TEKT1: variants seen among roughly 807,000 people sequenced by gnomAD.
TEKT1 encodes the protein tektin-1.
Under a neutral mutation model 34.8 loss-of-function variants are expected in TEKT1, and 32 were observed. The ratio of observed to expected loss-of-function variants is 0.92; its 90% CI spans 0.69 to 1.23. The LOEUF is 1.23. TEKT1 is among the 50% of genes most tolerant of loss of function. TEKT1 has a pLI of 0.00. For synonymous variants in TEKT1, 207 were observed against 199.8 expected (o/e 1.04, Z -0.30); for missense variants, 492 against 518.5 (o/e 0.95, Z 0.50).
Position 6,800,110 on chromosome 17 carries a change from G to T in TEKT1, c.1174C>A (p.Gln392Lys), listed in dbSNP as rs771470364. Reference protein sequence around the residue: ...TIYIDEVLCMQMRKSIPLRDG... With the variant: ...TIYIDEVLCMKMRKSIPLRDG... ...CGAAGTGGGATGGATTTCCTCATCT[G>T]CATACACAGCACTTCGTCGATATAA... The change falls in exon 8 of 8, where the codon CAG becomes AAG. Residue 392 changes from glutamine to lysine, a missense_variant. Transcript: ENST00000338694. 1.4e-5 allele frequency: 22 copies of T among 1,613,858 alleles called. No individual in the cohort carries two copies. Among genetic ancestry groups the T allele is most frequent in the Non-Finnish European group, 1.9e-5 (22 of 1,180,038 alleles).
Position 6,831,681 on chromosome 17 carries a change from G to C in TEKT1, c.-50C>G, listed in dbSNP as rs1420322208. 6.6e-6 allele frequency: 1 copy of C among 152,190 alleles called. No homozygotes were observed. The highest frequency in any genetic ancestry group is 1.5e-5 in the Non-Finnish European group (1 of 68,078). 9.4% of individuals were successfully genotyped at this position (152,190 alleles called of 1,614,324 possible). A position where few individuals can be genotyped will look rare whatever the true frequency, so the allele number is the denominator to read the frequency against. On this transcript the variant is annotated 5_prime_UTR_variant, in exon 1 of 8. Coordinates refer to ENST00000338694, the MANE Select transcript of TEKT1 (RefSeq NM_053285.2). ...CCACACAGAACCACTACGCAAGCTC[G>C]GGATGGGAGCCTCCTTACCCCAACT...
Position 6,812,933 on chromosome 17 carries a change from G to T in TEKT1, c.750C>A (p.Ala250=). 6.2e-7 allele frequency: 1 copy of T among 1,614,214 alleles called. No individual in the cohort carries two copies. The highest frequency in any genetic ancestry group is 8.5e-7 in the Non-Finnish European group (1 of 1,180,030). Reference sequence around the variant, plus strand: ...CATCACACTGCTTGCGCAGATCATTGGCTGTCTGGGACAGGATTCGATCCA... The same window carrying T: ...CATCACACTGCTTGCGCAGATCATTTGCTGTCTGGGACAGGATTCGATCCA... ...ALVDRILSQT[A]NDLRKQCDVV... The change falls in exon 6 of 8, where the codon GCC becomes GCA. Residue 250 remains alanine, a synonymous_variant. Coordinates refer to ENST00000338694, the MANE Select transcript of TEKT1 (RefSeq NM_053285.2).
Position 6,799,894 on chromosome 17 carries a change from A to G in TEKT1, c.*133T>C. 1.3e-6 allele frequency: 1 copy of G among 798,382 alleles called. No homozygotes were observed. Among genetic ancestry groups the G allele is most frequent in the Non-Finnish European group, 1.9e-6 (1 of 519,730 alleles). 49.5% of individuals were successfully genotyped at this position (798,382 alleles called of 1,614,324 possible). A position where few individuals can be genotyped will look rare whatever the true frequency, so the allele number is the denominator to read the frequency against. On this transcript the variant is annotated 3_prime_UTR_variant, in exon 8 of 8. Transcript: ENST00000338694. The stretch of plus-strand genomic sequence containing the variant: ...AACTCGCCCCAAAATCAGCCCCCTG[A>G]GCAGGCTTGGAATGCCAGCCAAGAG...
chr17:6,816,937 G>C (rs913966992), intron 3 of TEKT1, among the ~76,000 whole-genome samples: 3 of 152,176 alleles, frequency 2.0e-5, no homozygotes, highest in African/African-American at 7.2e-5. Context: ...ACTAGCATGA[G>C]ATGGTATCTC....
chr17:6,825,887 C>T (rs1375695661), intron 2 of TEKT1, among the ~76,000 whole-genome samples: 1 of 152,174 alleles, frequency 6.6e-6, no homozygotes, highest in African/African-American at 2.4e-5. Context: ...CAGTTGGGGC[C>T]ATTACAAATG....
chr17:6,815,297 G>A lies in TEKT1; in HGVS notation c.495C>T (p.Arg165=). The A allele has an allele frequency of 6.2e-7, 1 of 1,614,244 alleles. No individual in the cohort carries two copies. The highest frequency in any genetic ancestry group is 2.2e-5 in the East Asian group (1 of 44,884). Residue 165 remains arginine (R), a synonymous_variant, in exon 5 of 8, where the codon CGC becomes CGT. Coordinates refer to ENST00000338694, the MANE Select transcript of TEKT1 (RefSeq NM_053285.2). ...EEASEQIRMN[R]SAKYNLEKDL... is the part of the protein sequence containing the mutation. ...CCTTCTCAAGATTGTACTTGGCAGAGCGGTTCATCCTGAAGGGAGAAAGTA... is the reference window on the plus strand; with the variant it reads ...CCTTCTCAAGATTGTACTTGGCAGAACGGTTCATCCTGAAGGGAGAAAGTA...
At chr17:6,815,420 T>C in intron 4 of TEKT1, 114 bp from the exon 5 acceptor site, 1 of 1,263,978 alleles carries the variant, frequency 7.9e-7, no homozygotes, top group Non-Finnish European at 1.2e-6. Flanking sequence ...AGGATGATGG[T>C]ACTGCCCCCC....
At chr17:6,818,907 C>T (rs117712268) in intron 3 of TEKT1, among the ~76,000 whole-genome samples, 3 of 152,276 alleles carry the variant, frequency 2.0e-5, no homozygotes, top group East Asian at 1.9e-4. Context: ...AGAAAGAAAT[C>T]GTTTTCTTTA....
intron 2 of TEKT1, 47 bp from the exon 3 acceptor site, chr17:6,819,405 A>T (rs201986859): frequency 6.5e-7 from 1 of 1,542,708 alleles, no homozygotes; most frequent in East Asian, 2.3e-5. Flanking sequence ...ATCCCAAGGT[A>T]GCCAACATTT....
At chr17:6,826,366 T>C (rs1307752731) in intron 2 of TEKT1, among the ~76,000 whole-genome samples, 1 of 152,220 alleles carries the variant, frequency 6.6e-6, no homozygotes, top group African/African-American at 2.4e-5. Context: ...CAGATATATA[T>C]ATTGCAAATA....
chr17:6,825,879 G>GT (rs66520455), intron 2 of TEKT1, among the ~76,000 whole-genome samples: 16,633 of 152,186 alleles, frequency 0.11, 2,601 homozygotes, highest in African/African-American at 0.34. Flanking sequence ...GTAGTTTCCA[G>GT]TTGGGGCCAT....
chr17:6,823,285 TCTGCAGCATGA>T (rs1977117828), intron 2 of TEKT1, among the ~76,000 whole-genome samples: 1 of 152,202 alleles, frequency 6.6e-6, no homozygotes, highest in Admixed American at 6.5e-5. Flanking sequence ...TTACAAGATT[TCTGCAGCATGA>T]ATCAGCTGGC....
rs546545731 is a variant in TEKT1 at position 6,811,861 on chromosome 17, C to T, written c.852+970G>A. Among the ~76,000 whole-genome samples the T allele has an allele frequency of 3.9e-5, 6 of 152,240 alleles. No individual in the cohort carries two copies. Among genetic ancestry groups the T allele is most frequent in the African/African-American group, 1.2e-4 (5 of 41,546 alleles). On this transcript the variant is annotated intron_variant, in intron 6 of 7. Coordinates refer to ENST00000338694, the MANE Select transcript of TEKT1 (RefSeq NM_053285.2). This position sits in a 1 kb window ranked among gnomAD's most constrained non-coding sequence, Gnocchi z 4.4. ...GTGGGAGTATTTGTACTACAGACATCGACAAATTCTACAGGAAGGACCCTA... is the reference window on the plus strand; with the variant it reads ...GTGGGAGTATTTGTACTACAGACATTGACAAATTCTACAGGAAGGACCCTA...
chr17:6,814,696 G>T (rs1567679192), intron 5 of TEKT1, among the ~76,000 whole-genome samples: 2 of 152,118 alleles, frequency 1.3e-5, no homozygotes, highest in Non-Finnish European at 2.9e-5. Flanking sequence ...AAATTAGCCA[G>T]GCATGGTGGC....
intron 2 of TEKT1, among the ~76,000 whole-genome samples, chr17:6,823,747 C>A (rs1904324977): frequency 6.6e-6 from 1 of 151,454 alleles, no homozygotes. Flanking sequence ...TGGCTCAGCT[C>A]TCAGTCTCTT....
At position 6,811,306 on chromosome 17, in the gene TEKT1, ATGTGTGTGTGTG is replaced by A. The variant is rs34180300; in HGVS notation, c.852+1513_852+1524del. Among the ~76,000 whole-genome samples the A allele has an allele frequency of 8.7e-5, 13 of 149,682 alleles. No homozygotes were observed. Among genetic ancestry groups the A allele is most frequent in the African/African-American group, 2.7e-4 (11 of 40,694 alleles). ...ATTATATGTTAATCATATATGCAAA[ATGTGTGTGTGTG>A]TGTGTGTGTGTGTGTGAAATGTATA... On this transcript the variant is annotated intron_variant, in intron 6 of 7. Coordinates refer to ENST00000338694, the MANE Select transcript of TEKT1 (RefSeq NM_053285.2). The surrounding 1 kb of genome is among the most constrained non-coding windows in gnomAD (Gnocchi z 4.4).
chr17:6,812,551 T>G (rs1976942686), intron 6 of TEKT1, among the ~76,000 whole-genome samples: 1 of 152,194 alleles, frequency 6.6e-6, no homozygotes, highest in Non-Finnish European at 1.5e-5. Context: ...AACCAGCCCC[T>G]AAGCCTCCCG....
At chr17:6,817,043 T>C (rs908155835) in intron 3 of TEKT1, among the ~76,000 whole-genome samples, 2 of 152,204 alleles carry the variant, frequency 1.3e-5, no homozygotes, top group Non-Finnish European at 2.9e-5. Context: ...TTTCCTTCCT[T>C]GATCCTCATT....
chr17:6,828,442 C>T (rs563732857), intron 2 of TEKT1, among the ~76,000 whole-genome samples: 9 of 152,206 alleles, frequency 5.9e-5, no homozygotes, highest in Non-Finnish European at 1.5e-5. Context: ...GTTTGTTCAG[C>T]TGGCCCAGTG....
Sources: allele counts gnomAD v4.1 joint callset (sites outside exome capture counted in the v4.1 genomes callset), GRCh38; gene constraint gnomAD v4.1.1; non-coding constraint Gnocchi (gnomAD v3.1); transcripts MANE v1.5; gene names NCBI Gene and HGNC (gene_info 2026-07-23, HGNC 2026-07-21).